The following RAD51 variants were observed in gnomAD, a reference collection of about 807,000 sequenced individuals.
The protein encoded by RAD51 is DNA repair protein RAD51 homolog 1.
A neutral mutation model predicts 41.5 loss-of-function variants in RAD51; 14 were observed. The ratio of observed to expected loss-of-function variants is 0.34; its 90% confidence interval spans 0.22 to 0.53. The LOEUF (loss-of-function observed/expected upper bound fraction) is 0.53. Ranked by LOEUF, RAD51 falls within the 20% of genes least tolerant of loss-of-function variation. The pLI is 0.95. For synonymous variants in RAD51, 136 were observed against 148.6 expected, an observed-to-expected ratio of 0.92 and a Z score of 0.62; for missense variants, 234 against 422.0, an observed-to-expected ratio of 0.55 and a Z score of 3.90.
intron 6 of RAD51, among the ~76,000 whole-genome samples, chr15:40,722,031 T>C (rs905227554): frequency 1.3e-5 from 2 of 152,092 alleles, no homozygotes; most frequent in African/African-American, 4.8e-5. Flanking sequence ...GTCCTGCAGA[T>C]AAAAAGGTAG....
intron 6 of RAD51, among the ~76,000 whole-genome samples, chr15:40,720,905 G>A (rs2141862085): frequency 6.6e-6 from 1 of 152,356 alleles, no homozygotes; most frequent in South Asian, 2.1e-4. Context: ...TTCTTGGCCA[G>A]GTACTGTGGT....
At chr15:40,714,657 G>C (rs1301403026) in intron 5 of RAD51, among the ~76,000 whole-genome samples, 1 of 152,090 alleles carries the variant, frequency 6.6e-6, no homozygotes, top group African/African-American at 2.4e-5. Flanking sequence ...TAATAGAAAA[G>C]ATTACATTTC....
intron 4 of RAD51, among the ~76,000 whole-genome samples, chr15:40,706,836 T>G (rs1413097646): frequency 1.3e-5 from 2 of 152,142 alleles, no homozygotes; most frequent in African/African-American, 4.8e-5. Context: ...GTTAAGAGAG[T>G]AAGCTCCTTT....
chr15:40,700,678 C>A (rs1233657119), intron 2 of RAD51, among the ~76,000 whole-genome samples: 1 of 151,980 alleles, frequency 6.6e-6, no homozygotes, highest in African/African-American at 2.4e-5. Context: ...TTATTAAGTA[C>A]CTCATATATA....
At chr15:40,726,837 T>C (rs1284493456) in intron 6 of RAD51, among the ~76,000 whole-genome samples, 3 of 147,232 alleles carry the variant, frequency 2.0e-5, no homozygotes, top group East Asian at 2.1e-4. Context: ...GGCGTGAACC[T>C]GGGAGGCGGA....
chr15:40,714,941 A>G (rs1321959217), intron 5 of RAD51, among the ~76,000 whole-genome samples: 1 of 152,264 alleles, frequency 6.6e-6, no homozygotes, highest in Non-Finnish European at 1.5e-5. Context: ...TGGGAGGCTG[A>G]GGCCGGAGGA....
chr15:40,724,672 T>TTG (rs1327406082), intron 6 of RAD51, among the ~76,000 whole-genome samples: 19,535 of 106,640 alleles, frequency 0.18, 3,204 homozygotes, highest in South Asian at 0.26. Flanking sequence ...ATTTTTTTAT[T>TTG]TCTTTTTTTT....
chr15:40,725,964 C>T (rs911072443), intron 6 of RAD51, among the ~76,000 whole-genome samples: 6 of 150,946 alleles, frequency 4.0e-5, no homozygotes, highest in East Asian at 2.0e-4. Flanking sequence ...CCAGACTGGG[C>T]GACAGAGTGA....
At chr15:40,720,600 AG>A (rs1442482156) in intron 6 of RAD51, among the ~76,000 whole-genome samples, 2 of 152,210 alleles carry the variant, frequency 1.3e-5, no homozygotes, top group African/African-American at 2.4e-5. Context: ...TCCATCCACA[AG>A]AAAAACTAGA....
At chr15:40,726,109 CAG>C (rs1896567442) in intron 6 of RAD51, among the ~76,000 whole-genome samples, 1 of 152,100 alleles carries the variant, frequency 6.6e-6, no homozygotes, top group African/African-American at 2.4e-5. Flanking sequence ...GAAAGAATGA[CAG>C]AACTCCTTTG....
In RAD51 at chr15:40,729,744, A is replaced by G; in HGVS notation, c.775-109A>G. The G allele has an allele frequency of 3.1e-6, 5 of 1,609,886 alleles. No homozygotes were observed. The South Asian group carries it at 4.4e-5, about 14-fold the overall frequency. ...GCCTGAGATCATCAAGCTCTTAGGA[A>G]GAAGAGAGACATTAGTTATTCGTTA... On this transcript the variant is annotated intron_variant, in intron 8 of 9. Transcript: ENST00000267868.
intron 2 of RAD51, 80 bp downstream of exon 2, chr15:40,698,925 A>C (rs1036153583): frequency 3.1e-5 from 44 of 1,402,630 alleles, no homozygotes; most frequent in Non-Finnish European, 4.4e-5. Flanking sequence ...TTTACATAAA[A>C]TATAGGTTTA....
At chr15:40,724,500 A>C (rs558401605) in intron 6 of RAD51, among the ~76,000 whole-genome samples, 18 of 151,960 alleles carry the variant, frequency 1.2e-4, no homozygotes, top group Admixed American at 2.0e-4. Flanking sequence ...TGCTGACAAA[A>C]AATTTTTTGT....
chr15:40,731,755 C>G lies in RAD51; in HGVS notation c.*577C>G, dbSNP rs1272410744. On this transcript the variant is annotated 3_prime_UTR_variant, in exon 10 of 10. Transcript: ENST00000267868. ...CATCTACCTGCTTGGTCTTTCATTG[C>G]TAAGACTAACTCAAGATAATCCTAG... 1 of 219,498 alleles carries G rather than the reference C, an allele frequency of 4.6e-6. No individual in the cohort carries two copies. Among genetic ancestry groups the G allele is most frequent in the Non-Finnish European group, 9.1e-6 (1 of 109,384 alleles). 13.6% of individuals were successfully genotyped at this position (219,498 alleles called of 1,614,324 possible). A position where few individuals can be genotyped will look rare whatever the true frequency, so the allele number is the denominator to read the frequency against.
intron 5 of RAD51, among the ~76,000 whole-genome samples, chr15:40,715,079 C>A (rs545327872): frequency 3.3e-5 from 5 of 152,190 alleles, no homozygotes; most frequent in Non-Finnish European, 5.9e-5. Flanking sequence ...CATGCCCATG[C>A]GGGCATGGTG....
intron 6 of RAD51, among the ~76,000 whole-genome samples, chr15:40,724,608 TC>T (rs1282681092): frequency 1.3e-5 from 2 of 149,106 alleles, no homozygotes; most frequent in East Asian, 2.0e-4. Flanking sequence ...GCTCAAGCAG[TC>T]CCCCCTCCTC....
chr15:40,701,321 G>C (rs1303104095), intron 3 of RAD51, 120 bp downstream of exon 3: 6 of 1,109,366 alleles, frequency 5.4e-6, no homozygotes, highest in Non-Finnish European at 5.4e-6. Flanking sequence ...CTTTCCAGGG[G>C]TGACTGTTAC....
At chr15:40,698,944 G>A in intron 2 of RAD51, 99 bp downstream of exon 2, 1 of 1,212,782 alleles carries the variant, frequency 8.2e-7, no homozygotes, top group East Asian at 2.4e-5. Context: ...TACTACCAAG[G>A]TCAAGACCCA....
intron 1 of RAD51, among the ~76,000 whole-genome samples, chr15:40,696,648 A>G (rs1894656541): frequency 6.6e-6 from 1 of 152,192 alleles, no homozygotes; most frequent in African/African-American, 2.4e-5. Flanking sequence ...TCCCCTTTTT[A>G]CAGTGGTAAC....
Sources: gnomAD v4.1 joint callset for allele counts (sites outside exome capture counted in the v4.1 genomes callset) on GRCh38, gnomAD v4.1.1 for gene constraint, MANE v1.5 for transcripts, NCBI Gene and HGNC (gene_info 2026-07-23, HGNC 2026-07-21) for gene names.